Variants in SGK3 observed in about 807,000 individuals in gnomAD.
The protein encoded by SGK3 is serine/threonine-protein kinase Sgk3.
In SGK3, 47 loss-of-function variants were observed where a neutral mutation model predicts 68.5. The ratio of observed to expected loss-of-function variants is 0.69; its 90% confidence interval spans 0.54 to 0.87. The LOEUF is 0.87. Among genes scored for constraint, SGK3 ranks in the 40% least tolerant of loss-of-function variants. The probability of loss-of-function intolerance (pLI) is 0.00; values close to 1 mark genes in which losing one functional copy is unlikely to be tolerated. For synonymous variants in SGK3, 181 were observed against 189.1 expected (o/e 0.96, Z 0.35); for missense variants, 479 against 575.5 (o/e 0.83, Z 1.72).
intron 1 of SGK3, among the ~76,000 whole-genome samples, chr8:66,733,552 G>A (rs1805229992): frequency 6.6e-6 from 1 of 152,028 alleles, no homozygotes; most frequent in South Asian, 2.1e-4. Flanking sequence ...AATAAATGTT[G>A]GCTGATATTA....
chr8:66,728,666 G>A (rs928332712), intron 1 of SGK3, among the ~76,000 whole-genome samples: 1 of 152,092 alleles, frequency 6.6e-6, no homozygotes, highest in Non-Finnish European at 1.5e-5. Flanking sequence ...CTGTTGGGAT[G>A]CCAAGGTGGG....
chr8:66,817,364 G>T (rs1294610497), intron 5 of SGK3, among the ~76,000 whole-genome samples: 1 of 151,818 alleles, frequency 6.6e-6, no homozygotes, highest in African/African-American at 2.4e-5. Context: ...CTGGGAGGCA[G>T]AGGTTGCAGT....
chr8:66,814,196 T>C (rs941145335), intron 5 of SGK3, among the ~76,000 whole-genome samples: 1 of 152,194 alleles, frequency 6.6e-6, no homozygotes, highest in Non-Finnish European at 1.5e-5. Flanking sequence ...TTGCTAATTA[T>C]TTGATATTAT....
chr8:66,757,129 A>ATTT lies in SGK3; in HGVS notation c.-121-36469_-121-36467dup, dbSNP rs796848968. Among the ~76,000 whole-genome samples the ATTT allele has an allele frequency of 3.7e-4, 40 of 107,038 alleles. 1 individual carries two copies. The highest frequency in any genetic ancestry group is 8.4e-4 in the African/African-American group (24 of 28,692). 70.2% of individuals were successfully genotyped at this position (107,038 alleles called of 152,430 possible). ...TCCCTTTCCTAACTACTCAGGCCCT[A>ATTT]TTTTTTTTTTTTTTTTTTTTGAGAC... On this transcript the variant is annotated intron_variant, in intron 1 of 16. Transcript: ENST00000521198.
At chr8:66,732,549 A>C (rs553259685) in intron 1 of SGK3, among the ~76,000 whole-genome samples, 1 of 152,312 alleles carries the variant, frequency 6.6e-6, no homozygotes, top group South Asian at 2.1e-4. Context: ...TTTGTATTTT[A>C]AAAATAAATT....
At chr8:66,748,596 G>A (rs551161381) in intron 1 of SGK3, among the ~76,000 whole-genome samples, 17 of 152,130 alleles carry the variant, frequency 1.1e-4, no homozygotes, top group Non-Finnish European at 2.1e-4. Context: ...ACCTGACCTC[G>A]TGCTCATTTG....
intron 14 of SGK3, 104 bp from the exon 15 acceptor site, chr8:66,847,089 T>C (rs1200106689): frequency 2.7e-6 from 4 of 1,496,332 alleles, no homozygotes; most frequent in Middle Eastern, 2.5e-4. Context: ...AAGAGGTCCA[T>C]ACATTTTTTC....
chr8:66,804,639 G>A (rs899800552), intron 4 of SGK3, among the ~76,000 whole-genome samples, 192 bp downstream of exon 4: 2 of 152,198 alleles, frequency 1.3e-5, no homozygotes, highest in Admixed American at 6.5e-5. Context: ...TAATTCATTC[G>A]ATCCTGACAA....
Position 66,847,348 on chromosome 8 carries a change from TG to T in SGK3, c.1230+1del, listed in dbSNP as rs756503137. On this transcript the variant is annotated splice_donor_variant, in intron 15 of 16. Coordinates refer to ENST00000521198, the MANE Select transcript of SGK3 (RefSeq NM_001033578.3). LOFTEE classifies it high-confidence loss of function. ...ATCGACTTGGTGCCAAGGAAGACTT[TG>T]TATGTAACAGCTTTTCTAGCTCCAG... 18 of 1,611,558 alleles carry T rather than the reference TG, an allele frequency of 1.1e-5. No homozygotes were observed. The highest frequency in any genetic ancestry group is 1.5e-5 in the Non-Finnish European group (18 of 1,179,386).
intron 2 of SGK3, among the ~76,000 whole-genome samples, 191 bp from the exon 3 acceptor site, chr8:66,798,351 T>C (rs1442459563): frequency 6.6e-6 from 1 of 152,010 alleles, no homozygotes; most frequent in East Asian, 1.9e-4. Flanking sequence ...TTAATTGGTA[T>C]GTTTATGTAT....
chr8:66,829,018 A>G (rs1466597758), intron 7 of SGK3, among the ~76,000 whole-genome samples: 1 of 150,998 alleles, frequency 6.6e-6, no homozygotes, highest in East Asian at 1.9e-4. Flanking sequence ...AGTAGACCAT[A>G]TTTCCCAAGG....
intron 13 of SGK3, among the ~76,000 whole-genome samples, chr8:66,842,948 C>G (rs1056078760): frequency 6.6e-6 from 1 of 152,018 alleles, no homozygotes; most frequent in African/African-American, 2.4e-5. Flanking sequence ...GCGCATGCCT[C>G]TAGTCCCAGC....
chr8:66,856,798 T>C (rs1431913730), intron 16 of SGK3, among the ~76,000 whole-genome samples: 3 of 152,104 alleles, frequency 2.0e-5, no homozygotes, highest in African/African-American at 7.2e-5. Context: ...AACAAGCTCA[T>C]AGAGATAGAG....
intron 8 of SGK3, 24 bp downstream of exon 8, chr8:66,831,335 T>A (rs570184266): frequency 6.2e-7 from 1 of 1,612,218 alleles, no homozygotes; most frequent in African/African-American, 1.3e-5. Flanking sequence ...GTGAGGTTTT[T>A]ATTTGGTTTT....
rs950898630 is a variant in SGK3, at chr8:66,718,023, AT to A, written c.-122+5200del. Among the ~76,000 whole-genome samples the A allele has an allele frequency of 2.4e-4, 30 of 127,592 alleles. No individual in the cohort carries two copies. The South Asian group carries it at 4.4e-3, about 19-fold the overall frequency. The allele number at this position is 127,592 out of a possible 152,430, so 83.7% of individuals were successfully genotyped here. A position where few individuals can be genotyped will look rare whatever the true frequency, so the allele number is the denominator to read the frequency against. On this transcript the variant is annotated intron_variant, in intron 1 of 16. Coordinates refer to ENST00000521198, the MANE Select transcript of SGK3 (RefSeq NM_001033578.3). ...GCCTACTCTAGTTATTTACCTCCCT[AT>A]TTTTTTTTTCTTTTTTTTTGACATG...
intron 4 of SGK3, among the ~76,000 whole-genome samples, chr8:66,806,542 G>A (rs1384256964): frequency 6.6e-6 from 1 of 152,126 alleles, no homozygotes; most frequent in African/African-American, 2.4e-5. Flanking sequence ...GAGCAGATAT[G>A]GTAGCTACGC....
chr8:66,831,522 G>T (rs1178985402), intron 8 of SGK3, among the ~76,000 whole-genome samples: 1 of 151,964 alleles, frequency 6.6e-6, no homozygotes, highest in African/African-American at 2.4e-5. Context: ...TCACTCTTTT[G>T]TAGACAGGGC....
chr8:66,798,962 A>T (rs185444573), intron 3 of SGK3, among the ~76,000 whole-genome samples: 8 of 152,312 alleles, frequency 5.3e-5, no homozygotes, highest in Non-Finnish European at 1.0e-4. Context: ...TGCCTACTGT[A>T]AGCTTTATGT....
chr8:66,717,273 TAA>T (rs1390623399), intron 1 of SGK3, among the ~76,000 whole-genome samples: 1 of 150,466 alleles, frequency 6.6e-6, no homozygotes, highest in East Asian at 2.0e-4. Flanking sequence ...CTCACGCCTA[TAA>T]TCCCAGCATT....
Sources: allele counts gnomAD v4.1 joint callset (sites outside exome capture counted in the v4.1 genomes callset), GRCh38; gene constraint gnomAD v4.1.1; transcripts MANE v1.5; gene names NCBI Gene and HGNC (gene_info 2026-07-23, HGNC 2026-07-21).